Variants in SLC44A5 observed in about 807,000 individuals in gnomAD.
The protein encoded by SLC44A5 is choline transporter-like protein 5.
A neutral mutation model predicts 101.8 loss-of-function variants in SLC44A5; 57 were observed. The ratio of observed to expected loss-of-function variants is 0.56; its 90% confidence interval spans 0.45 to 0.70. SLC44A5 has a LOEUF of 0.70. SLC44A5 is among the 30% of genes least tolerant of loss of function. SLC44A5 has a pLI of 0.00. For synonymous variants in SLC44A5, 281 were observed against 290.9 expected (o/e 0.97, Z 0.35); for missense variants, 737 against 853.1 (o/e 0.86, Z 1.70).
At chr1:75,541,626 A>G in intron 1 of SLC44A5, 110 bp from the exon 2 acceptor site, 1 of 584,914 alleles carries the variant, frequency 1.7e-6, no homozygotes, top group Non-Finnish European at 2.9e-6. Flanking sequence ...TACTCTCCCC[A>G]AAAACTCAGA....
chr1:75,274,146 G>A (rs1416591985), intron 6 of SLC44A5, among the ~76,000 whole-genome samples: 1 of 151,094 alleles, frequency 6.6e-6, no homozygotes, highest in Non-Finnish European at 1.5e-5. Flanking sequence ...TTTTGTTGTT[G>A]TTCTTGGAAG....
intron 2 of SLC44A5, among the ~76,000 whole-genome samples, chr1:75,416,148 A>G (rs1233442494): frequency 6.6e-6 from 1 of 152,178 alleles, no homozygotes; most frequent in Non-Finnish European, 1.5e-5. Flanking sequence ...CTCTTATCAC[A>G]GGCCCAGAGG....
At chr1:75,540,132 C>T (rs1671278799) in intron 2 of SLC44A5, among the ~76,000 whole-genome samples, 1 of 152,146 alleles carries the variant, frequency 6.6e-6, no homozygotes, top group Non-Finnish European at 1.5e-5. Context: ...TTGTAACACA[C>T]TTCTGAATTT....
chr1:75,421,776 T>G (rs1258443557), intron 2 of SLC44A5, among the ~76,000 whole-genome samples: 1 of 152,146 alleles, frequency 6.6e-6, no homozygotes. Context: ...AAAAAAGCTT[T>G]TGTTATATAA....
At chr1:75,426,657 A>C (rs561100720) in intron 2 of SLC44A5, among the ~76,000 whole-genome samples, 1 of 152,240 alleles carries the variant, frequency 6.6e-6, no homozygotes, top group Non-Finnish European at 1.5e-5. Flanking sequence ...TGAAGAAGTA[A>C]GAGTCTACCT....
intron 2 of SLC44A5, among the ~76,000 whole-genome samples, chr1:75,413,634 A>G (rs987942118): frequency 2.0e-5 from 3 of 152,190 alleles, no homozygotes; most frequent in Admixed American, 6.5e-5. Context: ...TAAAATTTTC[A>G]GGTTGTACAA....
the SLC44A5 span, among the ~76,000 whole-genome samples, chr1:75,682,280 A>G: frequency 6.6e-6 from 1 of 152,170 alleles, no homozygotes; most frequent in South Asian, 2.1e-4. Context: ...GAACCAAAAA[A>G]GAGCCCGCAT....
intron 2 of SLC44A5, among the ~76,000 whole-genome samples, chr1:75,431,785 G>A (rs767027865): frequency 9.9e-5 from 15 of 152,184 alleles, no homozygotes; most frequent in Non-Finnish European, 2.1e-4. Context: ...CATCCGAGGA[G>A]AAGGGGAGGA....
chr1:75,456,125 T>C (rs759254716), intron 2 of SLC44A5, among the ~76,000 whole-genome samples: 1 of 152,082 alleles, frequency 6.6e-6, no homozygotes, highest in African/African-American at 2.4e-5. Flanking sequence ...CCATCAACAA[T>C]GGATTGGACA....
intron 1 of SLC44A5, among the ~76,000 whole-genome samples, chr1:75,606,451 C>G (rs938908996): frequency 9.2e-5 from 14 of 152,020 alleles, no homozygotes; most frequent in African/African-American, 3.4e-4. Context: ...CACCTCAATA[C>G]ACAGATAGTA....
intron 1 of SLC44A5, among the ~76,000 whole-genome samples, chr1:75,597,154 C>T (rs1674683587): frequency 6.7e-6 from 1 of 148,220 alleles, no homozygotes; most frequent in Admixed American, 6.8e-5. Flanking sequence ...TGCCACTGCA[C>T]TCCAGCCTGG....
At chr1:75,464,735 C>T (rs1233404799) in intron 2 of SLC44A5, among the ~76,000 whole-genome samples, 2 of 152,130 alleles carry the variant, frequency 1.3e-5, no homozygotes, top group Non-Finnish European at 2.9e-5. Context: ...AGTCACTATG[C>T]TTGTATCAGA....
chr1:75,533,928 C>T lies in SLC44A5; in HGVS notation c.13+7507G>A, dbSNP rs559605055. 1.1e-4 allele frequency among the ~76,000 whole-genome samples: 17 copies of T among 152,228 alleles called. No individual in the cohort carries two copies. The South Asian group carries it at 3.3e-3, about 30-fold the overall frequency. On this transcript the variant is annotated intron_variant, in intron 2 of 23. Transcript: ENST00000370859. ...TAGGTAAATTATGAAGAGACCATTTCCTGAACTGTAAAACATAAGAATAAA... is the reference window on the plus strand; with the variant it reads ...TAGGTAAATTATGAAGAGACCATTTTCTGAACTGTAAAACATAAGAATAAA...
the SLC44A5 span, among the ~76,000 whole-genome samples, chr1:75,703,524 G>A: frequency 8.9e-4 from 135 of 152,058 alleles, no homozygotes; most frequent in African/African-American, 3.2e-3. Flanking sequence ...GGTGGGGCGA[G>A]GGGGGAGGGA....
chr1:75,597,153 ACTCCAGCCTGGGCAATAGAGCCAGACTT>A (rs1182669320), intron 1 of SLC44A5, among the ~76,000 whole-genome samples: 2 of 148,070 alleles, frequency 1.4e-5, no homozygotes, highest in African/African-American at 5.0e-5. Flanking sequence ...ATGCCACTGC[ACTCCAGCCTGGGCAATAGAGCCAGACTT>A]TGTCTCAAAA....
At position 75,453,694 on chromosome 1, in the gene SLC44A5, C is replaced by T. The variant is rs1373685441; in HGVS notation, c.14-57073G>A. On this transcript the variant is annotated intron_variant, in intron 2 of 23. Coordinates refer to ENST00000370859, the MANE Select transcript of SLC44A5 (RefSeq NM_001130058.2). ...AATAGAGTGAGGATACAAACGAGCT[C>T]AATCACCAGCGACAATGATGACATT... 2.6e-5 allele frequency among the ~76,000 whole-genome samples: 4 copies of T among 152,010 alleles called. No homozygotes were observed. The South Asian group carries it at 8.3e-4, about 32-fold the overall frequency.
At chr1:75,511,972 C>T (rs184040308) in intron 2 of SLC44A5, among the ~76,000 whole-genome samples, 5 of 152,178 alleles carry the variant, frequency 3.3e-5, no homozygotes, top group Middle Eastern at 3.4e-3. Flanking sequence ...CAGAAGGCCA[C>T]GAAAAGTTAT....
intron 2 of SLC44A5, among the ~76,000 whole-genome samples, chr1:75,483,454 G>A (rs921785048): frequency 1.2e-4 from 18 of 152,126 alleles, no homozygotes; most frequent in African/African-American, 4.1e-4. Flanking sequence ...AAACAGAGAT[G>A]TGCTCTAGCT....
chr1:75,214,735 A>C, intron 19 of SLC44A5, 57 bp from the exon 20 acceptor site: 1 of 1,397,872 alleles, frequency 7.2e-7, no homozygotes, highest in Non-Finnish European at 1.0e-6. Flanking sequence ...ACAAGATCAA[A>C]AGACAATCCA....
Sources: allele counts gnomAD v4.1 joint callset (sites outside exome capture counted in the v4.1 genomes callset), GRCh38; gene constraint gnomAD v4.1.1; transcripts MANE v1.5; gene names NCBI Gene and HGNC (gene_info 2026-07-23, HGNC 2026-07-21).